KDR: variants seen among roughly 807,000 people sequenced by gnomAD.
KDR encodes the protein kinase insert domain receptor, also known as vascular endothelial growth factor receptor 2.
A neutral mutation model predicts 160.9 loss-of-function variants in KDR; 43 were observed. That is an observed-to-expected ratio of 0.27 (90% CI 0.21 to 0.34). KDR has a LOEUF of 0.34. Among genes scored for constraint, KDR ranks in the 10% least tolerant of loss-of-function variants. The pLI is 1.00. For missense variants in KDR, 1,469 were observed against 1,666.4 expected, an observed-to-expected ratio of 0.88 and a Z score of 2.06; for synonymous variants, 617 against 600.1, an observed-to-expected ratio of 1.03 and a Z score of -0.41.
At chr4:55,114,368 AT>A (rs1720681011) in intron 5 of KDR, 103 bp from the exon 6 acceptor site, 1 of 1,283,730 alleles carries the variant, frequency 7.8e-7, no homozygotes, top group Non-Finnish European at 1.1e-6. Flanking sequence ...AACATGCCAC[AT>A]TGTTTTTCCC....
At position 55,118,585 on chromosome 4, in the gene KDR, A is replaced by G. The variant is rs769636059; in HGVS notation, c.358+19T>C. 5.0e-6 allele frequency: 8 copies of G among 1,598,490 alleles called. No homozygotes were observed. In the South Asian group the frequency reaches 8.8e-5, roughly 18 times the overall value. On this transcript the variant is annotated intron_variant, in intron 3 of 29. Transcript: ENST00000263923. ...ACTGGTAAAGAGACGTGGGAAATGA[A>G]TTTTATTTCACCACTTACCTTGAAC...
intron 13 of KDR, among the ~76,000 whole-genome samples, chr4:55,103,714 T>C (rs1488515941): frequency 6.6e-6 from 1 of 152,106 alleles, no homozygotes; most frequent in African/African-American, 2.4e-5. Flanking sequence ...AGGCCTCTGA[T>C]GAAGACGTTA....
At chr4:55,087,570 CA>C (rs1578127152) in intron 27 of KDR, 36 bp downstream of exon 27, 12 of 1,606,932 alleles carry the variant, frequency 7.5e-6, no homozygotes, top group Non-Finnish European at 1.0e-5. Context: ...GCCTTGAAGT[CA>C]CCCTCCCCCG....
chr4:55,110,262 C>T (rs898509895), intron 9 of KDR, 141 bp downstream of exon 9: 3 of 864,242 alleles, frequency 3.5e-6, no homozygotes, highest in African/African-American at 1.7e-5. Flanking sequence ...TTCAGCTTCA[C>T]CACGCCAGAT....
Position 55,125,585 on chromosome 4 carries a change from C to G in KDR, c.-292G>C, listed in dbSNP as rs947387855. 1.1e-5 allele frequency: 6 copies of G among 569,142 alleles called. No individual in the cohort carries two copies. Among genetic ancestry groups the G allele is most frequent in the Middle Eastern group, 4.8e-4 (1 of 2,082 alleles). 35.3% of individuals were successfully genotyped at this position (569,142 alleles called of 1,614,324 possible). A position where few individuals can be genotyped will look rare whatever the true frequency, so the allele number is the denominator to read the frequency against. On this transcript the variant is annotated 5_prime_UTR_variant, in exon 1 of 30. Transcript: ENST00000263923. Reference sequence around the variant, plus strand: ...CACATTGACCGCTCTCCCGGGGTCCCGGGACTCAGTGCAGGGTGGGAGCTG... The same window carrying G: ...CACATTGACCGCTCTCCCGGGGTCCGGGGACTCAGTGCAGGGTGGGAGCTG...
intron 10 of KDR, among the ~76,000 whole-genome samples, chr4:55,107,478 A>C (rs776002686): frequency 2.6e-5 from 4 of 152,200 alleles, no homozygotes; most frequent in Non-Finnish European, 4.4e-5. Flanking sequence ...CAAACTGAGC[A>C]AATAGCCTGT....
At chr4:55,103,953 C>T (rs535058808) in intron 13 of KDR, among the ~76,000 whole-genome samples, 15 of 152,300 alleles carry the variant, frequency 9.8e-5, no homozygotes, top group African/African-American at 3.1e-4. Context: ...AAGGGGTAGA[C>T]AGTGCCTCTA....
chr4:55,098,936 A>C (rs1720233904), intron 15 of KDR, 133 bp from the exon 16 acceptor site: 2 of 633,956 alleles, frequency 3.2e-6, no homozygotes, highest in Non-Finnish European at 5.9e-6. Context: ...CAACAGTTAC[A>C]CACCCGTAAC....
At chr4:55,083,365 G>T (rs1307384058) in intron 27 of KDR, among the ~76,000 whole-genome samples, 2 of 152,174 alleles carry the variant, frequency 1.3e-5, no homozygotes, top group Non-Finnish European at 2.9e-5. Flanking sequence ...GTTGGCAGTA[G>T]CACTCCCTCC....
intron 22 of KDR, among the ~76,000 whole-genome samples, chr4:55,091,471 T>C (rs1266082881): frequency 1.3e-5 from 2 of 152,182 alleles, no homozygotes; most frequent in African/African-American, 4.8e-5. Context: ...CCTGACTAAG[T>C]GGCGAATTCC....
intron 2 of KDR, among the ~76,000 whole-genome samples, chr4:55,120,338 G>A (rs1720839455): frequency 6.6e-6 from 1 of 152,146 alleles, no homozygotes; most frequent in African/African-American, 2.4e-5. Flanking sequence ...GTCCTAAGAA[G>A]GCTCCATGCC....
chr4:55,108,658 GCCA>G (rs1299032703), intron 9 of KDR, among the ~76,000 whole-genome samples: 2 of 151,712 alleles, frequency 1.3e-5, no homozygotes, highest in Non-Finnish European at 2.9e-5. Flanking sequence ...ATGCATTCCT[GCCA>G]CCATCATCTG....
At chr4:55,082,306 C>T (rs1431313717) in intron 28 of KDR, among the ~76,000 whole-genome samples, 1 of 152,194 alleles carries the variant, frequency 6.6e-6, no homozygotes, top group Non-Finnish European at 1.5e-5. Context: ...TATGACACTA[C>T]TTGCACTTTA....
Position 55,080,067 on chromosome 4 carries a change from G to A in KDR, c.3945C>T (p.Asp1315=), listed in dbSNP as rs1346632902. ...CTTCCTCACTGGAGTACACGGTGGTGTCTGTGTCATCGGAGTGATATCCGG... is the reference window on the plus strand; with the variant it reads ...CTTCCTCACTGGAGTACACGGTGGTATCTGTGTCATCGGAGTGATATCCGG... ...YQSGYHSDDT[D]TTVYSSEEAE... The change falls in exon 30 of 30, where the codon GAC becomes GAT. Residue 1315 remains aspartate (D), a synonymous_variant. Transcript: ENST00000263923. 3.1e-6 allele frequency: 5 copies of A among 1,613,978 alleles called. No homozygotes were observed. In the African/African-American group the frequency reaches 6.7e-5, roughly 22 times the overall value.
intron 3 of KDR, among the ~76,000 whole-genome samples, chr4:55,117,814 C>T (rs373514441): frequency 1.2e-4 from 19 of 152,244 alleles, no homozygotes; most frequent in South Asian, 4.1e-4. Flanking sequence ...CCTTACATTC[C>T]TTAAATTTAT....
intron 4 of KDR, 25 bp downstream of exon 4, chr4:55,115,256 G>A (rs888109404): frequency 1.9e-6 from 3 of 1,588,612 alleles, no homozygotes; most frequent in Admixed American, 1.7e-5. Context: ...AAACTTAAGA[G>A]ACGATTGGAG....
At chr4:55,083,901 T>A (rs1301087098) in intron 27 of KDR, among the ~76,000 whole-genome samples, 1 of 152,206 alleles carries the variant, frequency 6.6e-6, no homozygotes, top group Non-Finnish European at 1.5e-5. Flanking sequence ...AAGCAAAGCC[T>A]ACTTTCTAAG....
chr4:55,098,894 CA>C, intron 15 of KDR, 91 bp from the exon 16 acceptor site: 1 of 900,000 alleles, frequency 1.1e-6, no homozygotes, highest in South Asian at 1.4e-5. Flanking sequence ...AGCAAAATCC[CA>C]AGCTTACCAA....
intron 1 of KDR, among the ~76,000 whole-genome samples, chr4:55,121,660 T>C (rs111378550): frequency 3.3e-5 from 5 of 152,256 alleles, no homozygotes; most frequent in African/African-American, 1.2e-4. Flanking sequence ...AGAGAATCTA[T>C]GACCTTGTCT....
Sources: gnomAD v4.1 joint callset for allele counts (sites outside exome capture counted in the v4.1 genomes callset) on GRCh38, gnomAD v4.1.1 for gene constraint, MANE v1.5 for transcripts, NCBI Gene and HGNC (gene_info 2026-07-23, HGNC 2026-07-21) for gene names.